The following SLC4A7 variants were observed in gnomAD, a reference collection of about 807,000 sequenced individuals.
SLC4A7 encodes the protein solute carrier family 4 member 7.
A neutral mutation model predicts 137.6 loss-of-function variants in SLC4A7; 51 were observed. The observed-to-expected ratio is 0.37, with a 90% CI of 0.30 to 0.47. The LOEUF is 0.47. Among genes scored for constraint, SLC4A7 ranks in the 20% least tolerant of loss-of-function variants. SLC4A7 has a pLI of 1.00. For missense variants in SLC4A7, 1,247 were observed against 1,525.4 expected, an observed-to-expected ratio of 0.82 and a Z score of 3.04; for synonymous variants, 542 against 518.6, an observed-to-expected ratio of 1.05 and a Z score of -0.61.
chr3:27,472,034 C>T (rs2059268439), intron 1 of SLC4A7, among the ~76,000 whole-genome samples: 1 of 152,156 alleles, frequency 6.6e-6, no homozygotes, highest in Non-Finnish European at 1.5e-5. Context: ...AGCCATCCCC[C>T]ATCATCTGAA....
chr3:27,483,397 G>C (rs2059798532), intron 1 of SLC4A7, among the ~76,000 whole-genome samples: 1 of 152,186 alleles, frequency 6.6e-6, no homozygotes, highest in Non-Finnish European at 1.5e-5. Flanking sequence ...CCTTCTACTT[G>C]GCCTGCGGCA....
intron 1 of SLC4A7, among the ~76,000 whole-genome samples, chr3:27,478,753 C>T (rs138034569): frequency 4.1e-4 from 59 of 145,526 alleles, no homozygotes; most frequent in African/African-American, 1.4e-3. Context: ...TTTGGGAGGC[C>T]GTGGCAGGTG....
chr3:27,445,254 T>A (rs1193376627), intron 3 of SLC4A7, among the ~76,000 whole-genome samples: 3 of 152,080 alleles, frequency 2.0e-5, no homozygotes, highest in African/African-American at 7.2e-5. Context: ...CTTTTTCAGA[T>A]CTTTGGAACT....
intron 22 of SLC4A7, among the ~76,000 whole-genome samples, chr3:27,386,533 CT>C (rs983945071): frequency 6.6e-6 from 1 of 152,068 alleles, no homozygotes; most frequent in Non-Finnish European, 1.5e-5. Context: ...AAGATTTCCA[CT>C]TCTGTACCTG....
intron 13 of SLC4A7, 125 bp downstream of exon 13, chr3:27,409,231 T>C: frequency 2.9e-6 from 2 of 690,184 alleles, no homozygotes; most frequent in Non-Finnish European, 4.6e-6. Flanking sequence ...AAAGTCTGCT[T>C]TGGGTCACGT....
intron 8 of SLC4A7, among the ~76,000 whole-genome samples, chr3:27,422,140 G>A (rs1482268850): frequency 1.3e-5 from 2 of 152,096 alleles, no homozygotes; most frequent in Non-Finnish European, 2.9e-5. Flanking sequence ...AATATTCATG[G>A]TTTTATATTA....
intron 3 of SLC4A7, among the ~76,000 whole-genome samples, chr3:27,439,050 C>T (rs56272004): frequency 0.032 from 4,846 of 152,282 alleles, 264 homozygotes; most frequent in African/African-American, 0.11. Flanking sequence ...TACACCACCA[C>T]AAACAGTTAC....
intron 19 of SLC4A7, 72 bp downstream of exon 19, chr3:27,394,882 T>G (rs1192011298): frequency 6.5e-7 from 1 of 1,532,740 alleles, no homozygotes; most frequent in Non-Finnish European, 8.8e-7. Context: ...CATCTTTTAA[T>G]GTTCTAATCA....
intron 24 of SLC4A7, among the ~76,000 whole-genome samples, chr3:27,379,619 G>A (rs544050378): frequency 8.5e-5 from 13 of 152,074 alleles, no homozygotes; most frequent in South Asian, 4.1e-4. Context: ...GTAGTACTTC[G>A]GCAGCACTCT....
chr3:27,458,951 C>G (rs1008443899), intron 1 of SLC4A7, among the ~76,000 whole-genome samples: 1 of 152,036 alleles, frequency 6.6e-6, no homozygotes, highest in Non-Finnish European at 1.5e-5. Flanking sequence ...GATCATGCCA[C>G]GGCACTGCAC....
At position 27,438,519 on chromosome 3, in the gene SLC4A7, A is replaced by C. The variant is rs192486662; in HGVS notation, c.290-993T>G. Among the ~76,000 whole-genome samples, 1,089 of 152,054 alleles carry C rather than the reference A, an allele frequency of 7.2e-3. 4 individuals are homozygous for C. The highest frequency in any genetic ancestry group is 0.011 in the Non-Finnish European group (748 of 67,996). Reference sequence around the variant, plus strand: ...GACTCCATCTCAAATAAATAAAATAAAATAACACAAAATAAAATAAAATAA... The same window carrying C: ...GACTCCATCTCAAATAAATAAAATACAATAACACAAAATAAAATAAAATAA... On this transcript the variant is annotated intron_variant, in intron 3 of 25. Coordinates refer to ENST00000454389, the MANE Select transcript of SLC4A7 (RefSeq NM_001321103.2).
At chr3:27,413,690 A>T (rs1454504279) in intron 11 of SLC4A7, among the ~76,000 whole-genome samples, 1 of 152,224 alleles carries the variant, frequency 6.6e-6, no homozygotes, top group African/African-American at 2.4e-5. Flanking sequence ...AATAAAAAAG[A>T]AATAATGTTA....
chr3:27,400,922 A>G, intron 15 of SLC4A7, 53 bp from the exon 16 acceptor site: 1 of 976,984 alleles, frequency 1.0e-6, no homozygotes, highest in Non-Finnish European at 1.6e-6. Flanking sequence ...TCATGCTTAC[A>G]TTTTACTAAA....
In SLC4A7 at chr3:27,394,803, T is replaced by C. The variant is rs1189796205; in HGVS notation, c.2866-34A>G. 4 of 1,592,110 alleles carry C rather than the reference T, an allele frequency of 2.5e-6. No homozygotes were observed. In the Admixed American group the frequency reaches 5.4e-5, roughly 22 times the overall value. On this transcript the variant is annotated intron_variant, in intron 19 of 25. Coordinates refer to ENST00000454389, the MANE Select transcript of SLC4A7 (RefSeq NM_001321103.2). ...TGAAATGAACATAAATATCTGTAAG[T>C]CTAAATGGTTCCCTCAATTTAAAAT...
intron 1 of SLC4A7, among the ~76,000 whole-genome samples, chr3:27,460,105 C>A (rs2058618828): frequency 6.6e-6 from 1 of 151,616 alleles, no homozygotes; most frequent in Non-Finnish European, 1.5e-5. Context: ...GCAATCTTGG[C>A]TCACTGCAAC....
chr3:27,480,495 A>G (rs1471770453), intron 1 of SLC4A7, among the ~76,000 whole-genome samples: 1 of 152,120 alleles, frequency 6.6e-6, no homozygotes, highest in Non-Finnish European at 1.5e-5. Flanking sequence ...CTCCCAAAGT[A>G]CAGGGGTTAC....
intron 21 of SLC4A7, among the ~76,000 whole-genome samples, chr3:27,390,820 T>A (rs1347483693): frequency 6.6e-6 from 1 of 152,064 alleles, no homozygotes; most frequent in African/African-American, 2.4e-5. Context: ...TTTTTTTGTG[T>A]GTGTTTGTTT....
At chr3:27,411,835 T>A in intron 11 of SLC4A7, 87 bp from the exon 12 acceptor site, 1 of 514,136 alleles carries the variant, frequency 1.9e-6, no homozygotes, top group Non-Finnish European at 3.2e-6. Flanking sequence ...TATCAGATTT[T>A]ATATTGATTA....
intron 1 of SLC4A7, among the ~76,000 whole-genome samples, chr3:27,453,976 G>C (rs1194714100): frequency 6.6e-6 from 1 of 152,044 alleles, no homozygotes; most frequent in African/African-American, 2.4e-5. Context: ...TAAAGGAGTG[G>C]GAGCAGGCCA....
Sources: allele counts gnomAD v4.1 joint callset (sites outside exome capture counted in the v4.1 genomes callset), GRCh38; gene constraint gnomAD v4.1.1; transcripts MANE v1.5; gene names NCBI Gene and HGNC (gene_info 2026-07-23, HGNC 2026-07-21).